BBS9: variants seen among roughly 807,000 people sequenced by gnomAD.
The protein encoded by BBS9 is Bardet-Biedl syndrome 9.
A neutral mutation model predicts 117.7 loss-of-function variants in BBS9; 89 were observed. The ratio of observed to expected loss-of-function variants is 0.76; its 90% confidence interval spans 0.64 to 0.90. BBS9 has a LOEUF of 0.90. BBS9 is among the 40% of genes least tolerant of loss of function. The pLI is 0.00. For synonymous variants in BBS9, 379 were observed against 370.9 expected, an observed-to-expected ratio of 1.02 and a Z score of -0.25; for missense variants, 982 against 1,042.2, an observed-to-expected ratio of 0.94 and a Z score of 0.80.
At chr7:33,631,145 G>A (rs185709329) in intron 21 of BBS9, among the ~76,000 whole-genome samples, 1 of 152,280 alleles carries the variant, frequency 6.6e-6, no homozygotes, top group East Asian at 1.9e-4. Flanking sequence ...GCTCATCAGA[G>A]TGTGCAGAGT....
At chr7:33,360,959 G>T (rs1359098184) in intron 16 of BBS9, among the ~76,000 whole-genome samples, 1 of 152,050 alleles carries the variant, frequency 6.6e-6, no homozygotes, top group Non-Finnish European at 1.5e-5. Context: ...GTGTTGACTT[G>T]TTCCACGACA....
chr7:33,315,308 G>T (rs1158154981), intron 9 of BBS9, among the ~76,000 whole-genome samples: 1 of 152,040 alleles, frequency 6.6e-6, no homozygotes, highest in African/African-American at 2.4e-5. Flanking sequence ...ACTCATCATT[G>T]CAGTCTCTTC....
chr7:33,566,148 A>G (rs1283785157), intron 21 of BBS9, among the ~76,000 whole-genome samples: 1 of 151,640 alleles, frequency 6.6e-6, no homozygotes, highest in Admixed American at 6.6e-5. Context: ...ATATTTATAG[A>G]CACAATATTG....
chr7:33,556,895 C>T (rs1855378370), intron 21 of BBS9, among the ~76,000 whole-genome samples: 1 of 152,162 alleles, frequency 6.6e-6, no homozygotes, highest in Admixed American at 6.5e-5. Flanking sequence ...AAGTACAAGC[C>T]TGTCTACAAG....
chr7:33,504,642 T>C (rs1845899756), intron 19 of BBS9, among the ~76,000 whole-genome samples: 1 of 152,124 alleles, frequency 6.6e-6, no homozygotes, highest in Non-Finnish European at 1.5e-5. Flanking sequence ...CGGCAGTCAG[T>C]TCATTACTTT....
chr7:33,555,550 T>C (rs1855164444), intron 21 of BBS9, among the ~76,000 whole-genome samples: 1 of 152,014 alleles, frequency 6.6e-6, no homozygotes, highest in Admixed American at 6.6e-5. Flanking sequence ...GAGGAGCAAA[T>C]GGGTATGAGA....
At chr7:33,486,799 C>CCATT in intron 19 of BBS9, among the ~76,000 whole-genome samples, 1 of 152,276 alleles carries the variant, frequency 6.6e-6, no homozygotes, top group South Asian at 2.1e-4. Context: ...ACCCTGGTAG[C>CCATT]CATTCAGGTG....
At chr7:33,567,176 T>C (rs1338773814) in intron 21 of BBS9, among the ~76,000 whole-genome samples, 1 of 152,176 alleles carries the variant, frequency 6.6e-6, no homozygotes, top group Non-Finnish European at 1.5e-5. Flanking sequence ...TGAAGTTCTA[T>C]CTTTGTGCGT....
chr7:33,478,983 G>A (rs890745144), intron 19 of BBS9, among the ~76,000 whole-genome samples: 23 of 150,018 alleles, frequency 1.5e-4, no homozygotes, highest in African/African-American at 5.7e-4. Context: ...ACTGATAGCT[G>A]TCATTCCTGA....
chr7:33,607,195 A>G (rs1165296585), downstream of BBS9, among the ~76,000 whole-genome samples: 2 of 152,134 alleles, frequency 1.3e-5, no homozygotes, highest in Non-Finnish European at 2.9e-5. Flanking sequence ...AAGGTCAACT[A>G]ATCTCCTAAA....
At chr7:33,304,379 G>A (rs545512639) in intron 9 of BBS9, among the ~76,000 whole-genome samples, 55 of 136,962 alleles carry the variant, frequency 4.0e-4, no homozygotes, top group Non-Finnish European at 5.8e-4. Context: ...ACCTCTGCCC[G>A]GCCGCCACCC....
intron 21 of BBS9, among the ~76,000 whole-genome samples, chr7:33,577,484 G>C (rs1157316162): frequency 6.6e-6 from 1 of 152,328 alleles, no homozygotes; most frequent in East Asian, 1.9e-4. Context: ...TATTGTGGAA[G>C]ACAGTGTGGA....
intron 5 of BBS9, among the ~76,000 whole-genome samples, chr7:33,214,615 T>C (rs908259004): frequency 6.6e-6 from 1 of 152,330 alleles, no homozygotes; most frequent in East Asian, 1.9e-4. Flanking sequence ...CATCTTGCTC[T>C]GCCCTCCTAA....
chr7:33,566,147 G>C (rs1403363161), intron 21 of BBS9, among the ~76,000 whole-genome samples: 1 of 151,390 alleles, frequency 6.6e-6, no homozygotes, highest in Non-Finnish European at 1.5e-5. Context: ...CATATTTATA[G>C]ACACAATATT....
In BBS9 at chr7:33,367,781, T is replaced by C. The variant is rs1416734863; in HGVS notation, c.1708T>C (p.Ser570Pro). Residue 570 changes from serine to proline, a missense_variant, in exon 17 of 23, where the codon TCA becomes CCA. Coordinates refer to ENST00000242067, the MANE Select transcript of BBS9 (RefSeq NM_198428.3). ...TTTCTTTGTAGGTTTTGCCAGTCAGTCAGATGATGATCAGGTGAATGTAAT... is the reference window on the plus strand; with the variant it reads ...TTTCTTTGTAGGTTTTGCCAGTCAGCCAGATGATGATCAGGTGAATGTAAT... Reference protein sequence around the residue: ...LSLFPGFASQSDDDQVNVMGF... With the variant: ...LSLFPGFASQPDDDQVNVMGF... 1 of 1,613,900 alleles carries C rather than the reference T, an allele frequency of 6.2e-7. No homozygotes were observed. Among genetic ancestry groups the C allele is most frequent in the East Asian group, 2.2e-5 (1 of 44,810 alleles).
chr7:33,214,319 A>C (rs1788619524), intron 5 of BBS9, among the ~76,000 whole-genome samples: 1 of 152,088 alleles, frequency 6.6e-6, no homozygotes, highest in African/African-American at 2.4e-5. Flanking sequence ...CCCTCCATGA[A>C]GTGCACAGAC....
intron 9 of BBS9, among the ~76,000 whole-genome samples, chr7:33,281,071 A>G (rs560581084): frequency 5.5e-4 from 84 of 151,522 alleles, no homozygotes; most frequent in African/African-American, 2.0e-3. Flanking sequence ...GATATTTAGC[A>G]CCTCTGCATT....
chr7:33,139,852 T>C (rs1246808323), intron 1 of BBS9, among the ~76,000 whole-genome samples: 1 of 152,208 alleles, frequency 6.6e-6, no homozygotes, highest in Non-Finnish European at 1.5e-5. Context: ...TGTCTCCCAA[T>C]AGAGCTTATG....
At chr7:33,256,145 C>G (rs1031197469) in intron 5 of BBS9, among the ~76,000 whole-genome samples, 3 of 151,948 alleles carry the variant, frequency 2.0e-5, no homozygotes, top group African/African-American at 7.2e-5. Flanking sequence ...GAGTGAGACT[C>G]TGTCTCAAAT....
Sources: gnomAD v4.1 joint callset for allele counts (sites outside exome capture counted in the v4.1 genomes callset) on GRCh38, gnomAD v4.1.1 for gene constraint, MANE v1.5 for transcripts, NCBI Gene and HGNC (gene_info 2026-07-23, HGNC 2026-07-21) for gene names.